The following USP6NL variants were observed in gnomAD, a reference collection of about 807,000 sequenced individuals.
The protein encoded by USP6NL is USP6 N-terminal like, also known as USP6 N-terminal-like protein.
In USP6NL, 26 loss-of-function variants were observed where a neutral mutation model predicts 61.9. The observed-to-expected ratio is 0.42, with a 90% CI of 0.31 to 0.58. The LOEUF (loss-of-function observed/expected upper bound fraction) is 0.58, where lower values mean the gene tolerates loss of function less well. Ranked by LOEUF, USP6NL falls within the 20% of genes least tolerant of loss-of-function variation. The pLI is 0.16. For missense variants in USP6NL, 1,114 were observed against 1,034.3 expected (o/e 1.08, Z -1.06); for synonymous variants, 432 against 390.1 (o/e 1.11, Z -1.27).
At chr10:11,552,501 CT>C (rs1373930631) in intron 2 of USP6NL, among the ~76,000 whole-genome samples, 1 of 152,174 alleles carries the variant, frequency 6.6e-6, no homozygotes, top group African/African-American at 2.4e-5. Context: ...AAGATTAGTC[CT>C]TGAAATCCTG....
intron 6 of USP6NL, among the ~76,000 whole-genome samples, chr10:11,506,356 T>C (rs1442189125): frequency 6.6e-6 from 1 of 152,176 alleles, no homozygotes; most frequent in Non-Finnish European, 1.5e-5. Flanking sequence ...ATTTTTAAAA[T>C]ACAGGCTGGG....
At position 11,511,897 on chromosome 10, in the gene USP6NL, C is replaced by T. The variant is rs975420690; in HGVS notation, c.196-2222G>A. On this transcript the variant is annotated intron_variant, in intron 5 of 14. Coordinates refer to ENST00000609104, the MANE Select transcript of USP6NL (RefSeq NM_014688.5). This position sits in a 1 kb window ranked among gnomAD's most constrained non-coding sequence, Gnocchi z 4.9. Reference sequence around the variant, plus strand: ...CGAAAATTATGTATCAGTATTCAATCAAGTTTAAGTGCTAACTCCATAATG... The same window carrying T: ...CGAAAATTATGTATCAGTATTCAATTAAGTTTAAGTGCTAACTCCATAATG... 6.6e-6 allele frequency among the ~76,000 whole-genome samples: 1 copy of T among 151,948 alleles called. No homozygotes were observed. Among genetic ancestry groups the T allele is most frequent in the Admixed American group, 6.6e-5 (1 of 15,248 alleles).
intron 2 of USP6NL, among the ~76,000 whole-genome samples, chr10:11,530,397 G>T (rs190656979): frequency 6.6e-6 from 1 of 152,258 alleles, no homozygotes; most frequent in African/African-American, 2.4e-5. Context: ...TGTCATTGTG[G>T]CAAACTATAA....
intron 7 of USP6NL, among the ~76,000 whole-genome samples, chr10:11,494,168 A>G (rs921910958): frequency 6.6e-6 from 1 of 152,192 alleles, no homozygotes; most frequent in African/African-American, 2.4e-5. Context: ...TTTTTGCTCA[A>G]AAGGCACAGC....
At chr10:11,594,296 T>C (rs529476755) in intron 2 of USP6NL, among the ~76,000 whole-genome samples, 3 of 152,158 alleles carry the variant, frequency 2.0e-5, no homozygotes, top group Non-Finnish European at 4.4e-5. Context: ...TGTAACTCAG[T>C]CTGATTCAGA....
chr10:11,554,649 T>A (rs945601796), intron 2 of USP6NL, among the ~76,000 whole-genome samples: 2 of 151,934 alleles, frequency 1.3e-5, no homozygotes, highest in African/African-American at 4.8e-5. Flanking sequence ...TTTTGCTGCC[T>A]GCAAGAAGTT....
intron 14 of USP6NL, among the ~76,000 whole-genome samples, chr10:11,469,135 G>GCAC (rs577465762): frequency 6.6e-6 from 1 of 152,170 alleles, no homozygotes; most frequent in Non-Finnish European, 1.5e-5. Flanking sequence ...AGGCCAAAAT[G>GCAC]CACACTGGGG....
intron 2 of USP6NL, among the ~76,000 whole-genome samples, chr10:11,549,497 T>G (rs181186780): frequency 8.5e-5 from 13 of 152,302 alleles, no homozygotes; most frequent in African/African-American, 2.9e-4. Flanking sequence ...CACTCCCTAT[T>G]GGTGATAAGC....
chr10:11,561,717 G>GT lies in USP6NL; in HGVS notation c.5-34151dup, dbSNP rs889580140. 7.2e-4 allele frequency among the ~76,000 whole-genome samples: 110 copies of GT among 152,298 alleles called. 1 individual carries two copies. Among genetic ancestry groups the GT allele is most frequent in the African/African-American group, 2.3e-3 (94 of 41,564 alleles). Reference sequence around the variant, plus strand: ...TATCTTTTGCGCAGATGCAGAAATGGTATTTCTATAGAATACTGACTTGCA... The same window carrying GT: ...TATCTTTTGCGCAGATGCAGAAATGGTTATTTCTATAGAATACTGACTTGCA... On this transcript the variant is annotated intron_variant, in intron 2 of 14. Transcript: ENST00000609104. This position sits in a 1 kb window ranked among gnomAD's most constrained non-coding sequence, Gnocchi z 4.1.
chr10:11,545,951 C>T (rs1403293432), intron 2 of USP6NL, among the ~76,000 whole-genome samples: 1 of 152,174 alleles, frequency 6.6e-6, no homozygotes, highest in Non-Finnish European at 1.5e-5. Flanking sequence ...TTAACATACA[C>T]AAAAGACTTT....
chr10:11,535,465 C>G (rs1236909155), intron 2 of USP6NL, among the ~76,000 whole-genome samples: 1 of 152,112 alleles, frequency 6.6e-6, no homozygotes, highest in African/African-American at 2.4e-5. Flanking sequence ...TGACCAAAGG[C>G]AAGCTGAAAA....
In USP6NL at chr10:11,481,601, C is replaced by T. The variant is rs539395523; in HGVS notation, c.1078+169G>A. Among the ~76,000 whole-genome samples the T allele has an allele frequency of 6.6e-6, 1 of 152,254 alleles. No homozygotes were observed. Among genetic ancestry groups the T allele is most frequent in the African/African-American group, 2.4e-5 (1 of 41,542 alleles). On this transcript the variant is annotated intron_variant, in intron 14 of 14. Transcript: ENST00000609104. The surrounding 1 kb of genome is among the most constrained non-coding windows in gnomAD (Gnocchi z 4.4). ...TAATTAATATGTTTATTTGCCTTTC[C>T]CTAAAATAAGGAAAAAGCCAAAGCA...
chr10:11,550,575 G>GTCT (rs1836444362), intron 2 of USP6NL, among the ~76,000 whole-genome samples: 1 of 151,952 alleles, frequency 6.6e-6, no homozygotes. Context: ...AGCCAACATG[G>GTCT]TGAAACCCTA....
chr10:11,584,364 G>C (rs1837894983), intron 2 of USP6NL, among the ~76,000 whole-genome samples: 1 of 152,162 alleles, frequency 6.6e-6, no homozygotes. Context: ...AAAGCACTTG[G>C]GTATATAAAC....
rs940874244 is a variant in USP6NL, at chr10:11,463,692, G to T, written c.1236C>A (p.His412Gln). Residue 412 changes from histidine (H) to glutamine (Q), a missense_variant, in exon 15 of 15, where the codon CAC becomes CAA. By Grantham distance (24) the His-to-Gln change is conservative (BLOSUM62 0). Coordinates refer to ENST00000609104, the MANE Select transcript of USP6NL (RefSeq NM_014688.5). The surrounding 1 kb of genome is among the most constrained non-coding windows in gnomAD (Gnocchi z 6.3). ...TGCTCTGGGGGTGCGGGGAGTGCTC[G>T]TGCCTCCTGTGGGGCGCCCCGCTCT... ...RRESGAPHRR[H>Q]EHSPHPQSRT... is the part of the protein sequence containing the mutation. The T allele has an allele frequency of 6.2e-7, 1 of 1,613,394 alleles. No homozygotes were observed. Among genetic ancestry groups the T allele is most frequent in the Non-Finnish European group, 8.5e-7 (1 of 1,179,656 alleles).
At chr10:11,493,749 G>A (rs1407392606) in intron 7 of USP6NL, among the ~76,000 whole-genome samples, 1 of 152,172 alleles carries the variant, frequency 6.6e-6, no homozygotes, top group Non-Finnish European at 1.5e-5. Flanking sequence ...GCTGTCTGCT[G>A]CTCCTGCCTG....
At chr10:11,580,874 T>G (rs548572305) in intron 2 of USP6NL, among the ~76,000 whole-genome samples, 1 of 144,568 alleles carries the variant, frequency 6.9e-6, no homozygotes, top group Non-Finnish European at 1.5e-5. Context: ...AGATGATGGA[T>G]GGATGGATGG....
At chr10:11,477,005 G>A (rs1832995590) in intron 14 of USP6NL, among the ~76,000 whole-genome samples, 1 of 152,140 alleles carries the variant, frequency 6.6e-6, no homozygotes, top group Admixed American at 6.5e-5. Context: ...CCGAGTAGTT[G>A]GGATTACAGG....
chr10:11,576,398 G>A (rs183669584), intron 2 of USP6NL, among the ~76,000 whole-genome samples: 1 of 141,842 alleles, frequency 7.1e-6, no homozygotes, highest in Admixed American at 7.0e-5. Context: ...AAATTCCTGT[G>A]TTAAACCTAA....
Sources: gnomAD v4.1 joint callset for allele counts (sites outside exome capture counted in the v4.1 genomes callset) on GRCh38, gnomAD v4.1.1 for gene constraint, Gnocchi (gnomAD v3.1) non-coding constraint, MANE v1.5 for transcripts, NCBI Gene and HGNC (gene_info 2026-07-23, HGNC 2026-07-21) for gene names.